The following DLST variants were observed in gnomAD, a reference collection of about 807,000 sequenced individuals.
DLST encodes the protein dihydrolipoyllysine-residue succinyltransferase component of 2-oxoglutarate dehydrogenase complex, mitochondrial.
A neutral mutation model predicts 53.1 loss-of-function variants in DLST; 17 were observed. The ratio of observed to expected loss-of-function variants is 0.32; its 90% CI spans 0.22 to 0.48. DLST has a LOEUF of 0.48. Among genes scored for constraint, DLST ranks in the 20% least tolerant of loss-of-function variants. The probability of loss-of-function intolerance (pLI) is 0.99; values close to 1 mark genes in which losing one functional copy is unlikely to be tolerated. For synonymous variants in DLST, 206 were observed against 204.8 expected (o/e 1.01, Z -0.05); for missense variants, 512 against 583.9 (o/e 0.88, Z 1.27).
At position 74,889,367 on chromosome 14, in the gene DLST, ATTTTTTT is replaced by A. The variant is rs560243017; in HGVS notation, c.274+32_274+38del. The A allele has an allele frequency of 8.3e-6, 10 of 1,210,628 alleles. No homozygotes were observed. Among genetic ancestry groups the A allele is most frequent in the Non-Finnish European group, 8.8e-6 (8 of 904,538 alleles). The allele number at this position is 1,210,628 out of a possible 1,614,324, so 75.0% of individuals were successfully genotyped here. Reference sequence around the variant, plus strand: ...GGAGAAAGGTAAGATTTAGTTTCCTATTTTTTTTTTTTTTTTTTTTGAGACAGAGTCT... The same window carrying A: ...GGAGAAAGGTAAGATTTAGTTTCCTATTTTTTTTTTTTTGAGACAGAGTCT... On this transcript the variant is annotated intron_variant, in intron 5 of 14. Coordinates refer to ENST00000334220, the MANE Select transcript of DLST (RefSeq NM_001933.5).
At chr14:74,882,658 C>T in intron 2 of DLST, 34 bp downstream of exon 2, 3 of 1,609,928 alleles carry the variant, frequency 1.9e-6, no homozygotes, top group African/African-American at 1.3e-5. Context: ...CTAAAATGCT[C>T]TCCTCCTGGG....
intron 2 of DLST, 76 bp from the exon 3 acceptor site, chr14:74,885,510 C>T: frequency 1.4e-6 from 2 of 1,449,556 alleles, no homozygotes; most frequent in Non-Finnish European, 1.9e-6. Flanking sequence ...TGGGGGTGAG[C>T]AGACCTTTTC....
At chr14:74,891,520 A>G (rs1233324440) in intron 7 of DLST, 3 of 997,872 alleles carry the variant, frequency 3.0e-6, no homozygotes. Flanking sequence ...AAATGCTTCA[A>G]AACTTTTTGA....
At chr14:74,896,384 A>G (rs1227771086) in intron 10 of DLST, among the ~76,000 whole-genome samples, 4 of 152,222 alleles carry the variant, frequency 2.6e-5, no homozygotes, top group Non-Finnish European at 5.9e-5. Flanking sequence ...GTAGGAGTTT[A>G]TATTTAATTC....
intron 3 of DLST, among the ~76,000 whole-genome samples, chr14:74,887,688 A>G (rs1380647926): frequency 6.6e-6 from 1 of 152,172 alleles, no homozygotes; most frequent in Non-Finnish European, 1.5e-5. Context: ...AGTGGTGGCC[A>G]CCACTCCGGG....
chr14:74,892,750 A>C lies in DLST; in HGVS notation c.443-84A>C, dbSNP rs1044825771. The C allele has an allele frequency of 4.3e-6, 6 of 1,382,240 alleles. No individual in the cohort carries two copies. In the African/African-American group the frequency reaches 7.3e-5, roughly 17 times the overall value. The allele number at this position is 1,382,240 out of a possible 1,614,324, so 85.6% of individuals were successfully genotyped here. ...CAGTAGACATTCGTTACTTGATTGG[A>C]GCTAGAGTTTTTGCCACTAAATTTT... On this transcript the variant is annotated intron_variant, in intron 7 of 14. Transcript: ENST00000334220.
At chr14:74,893,697 A>G (rs1883985126) in intron 9 of DLST, among the ~76,000 whole-genome samples, 5 of 152,202 alleles carry the variant, frequency 3.3e-5, no homozygotes, top group Admixed American at 3.3e-4. Flanking sequence ...TAGGGGTGGT[A>G]GCTTAGTAAC....
intron 8 of DLST, 74 bp downstream of exon 8, chr14:74,893,060 G>A (rs1883965026): frequency 1.4e-6 from 2 of 1,471,542 alleles, no homozygotes; most frequent in East Asian, 2.4e-5. Context: ...GTAAACTCTA[G>A]ACTGATGATG....
In DLST at chr14:74,894,293, G is replaced by A. The variant is rs1338511129; in HGVS notation, c.673-19G>A. ...CAGAGAGATCAGATTGTCAATGCTTGTTCCACTCTTACTTTCAGGAGAAAA... is the reference window on the plus strand; with the variant it reads ...CAGAGAGATCAGATTGTCAATGCTTATTCCACTCTTACTTTCAGGAGAAAA... On this transcript the variant is annotated intron_variant, in intron 9 of 14. Transcript: ENST00000334220. The A allele has an allele frequency of 1.4e-5, 22 of 1,613,562 alleles. No individual in the cohort carries two copies. Among genetic ancestry groups the A allele is most frequent in the Non-Finnish European group, 1.9e-5 (22 of 1,179,788 alleles).
chr14:74,889,308 T>C lies in DLST; in HGVS notation c.233T>C (p.Phe78Ser), dbSNP rs1594874191. The C allele has an allele frequency of 1.2e-6, 2 of 1,612,734 alleles. No homozygotes were observed. Among genetic ancestry groups the C allele is most frequent in the Non-Finnish European group, 1.7e-6 (2 of 1,179,924 alleles). Residue 78 changes from phenylalanine (F) to serine (S), a missense_variant, in exon 5 of 15, where the codon TTT (phenylalanine) becomes TCT (serine). Phe to Ser is a radical substitution (Grantham distance 155, BLOSUM62 -2). Coordinates refer to ENST00000334220, the MANE Select transcript of DLST (RefSeq NM_001933.5). ...TTGGTTACAGTCAAAACCCCAGCGT[T>C]TGCAGAATCTGTCACAGAGGGAGAT... is the stretch of plus-strand genomic sequence containing the variant. ...DDLVTVKTPA[F>S]AESVTEGDVR...
chr14:74,891,451 C>T (rs1223778250), intron 7 of DLST: 1 of 1,044,032 alleles, frequency 9.6e-7, no homozygotes, highest in Non-Finnish European at 1.2e-6. Context: ...ACAGATTGAG[C>T]ATACCTAATC....
At position 74,900,309 on chromosome 14, in the gene DLST, C is replaced by T. The variant is rs778038456; in HGVS notation, c.996C>T (p.Ile332=). 5.0e-6 allele frequency: 8 copies of T among 1,613,820 alleles called. No homozygotes were observed. The East Asian group carries it at 1.8e-4, about 36-fold the overall frequency. The part of the protein sequence containing the change: ...ATPRGLVVPV[I]RNVEAMNFAD... Reference sequence around the variant, plus strand: ...TTCAGGGTCTGGTGGTTCCAGTCATCAGGAATGTGGAAGCTATGAATTTTG... The same window carrying T: ...TTCAGGGTCTGGTGGTTCCAGTCATTAGGAATGTGGAAGCTATGAATTTTG... Residue 332 remains isoleucine, a synonymous_variant, in exon 13 of 15, where the codon ATC becomes ATT. Transcript: ENST00000334220.
At chr14:74,885,387 T>C (rs562789807) in intron 2 of DLST, among the ~76,000 whole-genome samples, 199 bp from the exon 3 acceptor site, 5 of 152,172 alleles carry the variant, frequency 3.3e-5, no homozygotes, top group Non-Finnish European at 5.9e-5. Flanking sequence ...ACCCACTCGA[T>C]CTCACATACC....
intron 6 of DLST, 144 bp downstream of exon 6, chr14:74,890,096 T>TAA (rs5809682): frequency 1.9e-3 from 847 of 434,402 alleles, no homozygotes; most frequent in Non-Finnish European, 2.1e-3. Context: ...TTGTTCAATT[T>TAA]AAAAAAAAAA....
At chr14:74,885,658 A>G in intron 3 of DLST, 24 bp downstream of exon 3, 2 of 1,589,898 alleles carry the variant, frequency 1.3e-6, no homozygotes, top group East Asian at 2.3e-5. Context: ...GGGAGTACAG[A>G]TATGTGGCCA....
intron 5 of DLST, 192 bp downstream of exon 5, chr14:74,889,541 T>C: frequency 1.7e-6 from 1 of 572,188 alleles, no homozygotes; most frequent in Non-Finnish European, 3.0e-6. Context: ...GCTAAGTTTT[T>C]TGTATTTTTA....
chr14:74,892,522 T>C (rs1883944635), intron 7 of DLST, among the ~76,000 whole-genome samples: 1 of 151,866 alleles, frequency 6.6e-6, no homozygotes, highest in South Asian at 2.1e-4. Context: ...GTTTTTTTTT[T>C]TCCTTGGAAG....
intron 7 of DLST, 33 bp from the exon 8 acceptor site, chr14:74,892,801 G>T (rs553862957): frequency 3.2e-6 from 5 of 1,574,020 alleles, no homozygotes; most frequent in Non-Finnish European, 4.3e-6. Context: ...ATTTCAGACA[G>T]TGCCAGTGGC....
intron 7 of DLST, 44 bp downstream of exon 7, chr14:74,891,211 T>C (rs773541353): frequency 1.9e-6 from 3 of 1,613,398 alleles, no homozygotes; most frequent in Non-Finnish European, 2.5e-6. Context: ...GTGTTCCCTC[T>C]TGGGATTGGG....
Sources: allele counts gnomAD v4.1 joint callset (sites outside exome capture counted in the v4.1 genomes callset), GRCh38; gene constraint gnomAD v4.1.1; transcripts MANE v1.5; gene names NCBI Gene and HGNC (gene_info 2026-07-23, HGNC 2026-07-21).